Variants in RIT2 observed in about 807,000 individuals in gnomAD.
RIT2 encodes Ras like without CAAX 2.
RIT2 carries 24 observed loss-of-function variants against 23.7 expected under a neutral mutation model. That is an observed-to-expected ratio of 1.01 (90% CI 0.73 to 1.43). RIT2 has a LOEUF of 1.43. Ranked by LOEUF, RIT2 falls within the 40% of genes most tolerant of loss-of-function variation. The pLI is 0.00. For synonymous variants in RIT2, 107 were observed against 91.1 expected (o/e 1.17, Z -0.99); for missense variants, 236 against 266.9 (o/e 0.88, Z 0.81).
chr18:42,813,465 A>C (rs1365119271), intron 4 of RIT2, among the ~76,000 whole-genome samples: 3 of 152,220 alleles, frequency 2.0e-5, no homozygotes, highest in South Asian at 4.1e-4. Flanking sequence ...TTATTCTTTT[A>C]AGTTTAATAA....
chr18:43,030,770 A>G (rs1390454130), intron 2 of RIT2, among the ~76,000 whole-genome samples: 2 of 152,054 alleles, frequency 1.3e-5, no homozygotes, highest in East Asian at 1.9e-4. Flanking sequence ...GGTATCATGA[A>G]TTATTCATGG....
intron 4 of RIT2, among the ~76,000 whole-genome samples, chr18:42,774,911 T>C (rs1306195670): frequency 6.6e-6 from 1 of 152,196 alleles, no homozygotes; most frequent in East Asian, 1.9e-4. Flanking sequence ...CACAACAGTA[T>C]GATTGCAGAG....
At chr18:42,855,671 A>T (rs2144042169) in intron 4 of RIT2, among the ~76,000 whole-genome samples, 1 of 152,318 alleles carries the variant, frequency 6.6e-6, no homozygotes, top group African/African-American at 2.4e-5. Context: ...CTTACCTCTC[A>T]TTTCAAAAAG....
chr18:42,781,517 C>A (rs1431010696), intron 4 of RIT2, among the ~76,000 whole-genome samples: 1 of 152,118 alleles, frequency 6.6e-6, no homozygotes, highest in Non-Finnish European at 1.5e-5. Flanking sequence ...TCCCTGGGGG[C>A]CTCAACTGCT....
rs1008377546 is a variant in RIT2 at position 42,755,283 on chromosome 18, G to T, written c.427-11563C>A. On this transcript the variant is annotated intron_variant, in intron 4 of 4. Coordinates refer to ENST00000326695, the MANE Select transcript of RIT2 (RefSeq NM_002930.4). Reference sequence around the variant, plus strand: ...TATCTCTGTCTGTTTCCCCAAGCCCGATTCATACCACTCTCCCTCATCGAT... The same window carrying T: ...TATCTCTGTCTGTTTCCCCAAGCCCTATTCATACCACTCTCCCTCATCGAT... Among the ~76,000 whole-genome samples, 26 of 151,966 alleles carry T rather than the reference G, an allele frequency of 1.7e-4. 1 individual carries two copies. The highest frequency in any genetic ancestry group is 6.3e-4 in the African/African-American group (26 of 41,378).
intron 3 of RIT2, 69 bp from the exon 4 acceptor site, chr18:42,923,832 T>A: frequency 8.4e-7 from 1 of 1,192,720 alleles, no homozygotes; most frequent in Non-Finnish European, 1.2e-6. Context: ...GGTTTAAATG[T>A]AATCATTATG....
rs547404030 is a variant in RIT2 at position 42,772,808 on chromosome 18, C to T, written c.427-29088G>A. 9.9e-5 allele frequency among the ~76,000 whole-genome samples: 15 copies of T among 152,254 alleles called. 1 individual carries two copies. Among genetic ancestry groups the T allele is most frequent in the Middle Eastern group, 6.8e-3 (2 of 294 alleles). ...AAGTTGAAATTTTCAGCCTCACCCCCGAAACTCTGGGAAGGGAAGTCCTGG... is the reference window on the plus strand; with the variant it reads ...AAGTTGAAATTTTCAGCCTCACCCCTGAAACTCTGGGAAGGGAAGTCCTGG... On this transcript the variant is annotated intron_variant, in intron 4 of 4. Coordinates refer to ENST00000326695, the MANE Select transcript of RIT2 (RefSeq NM_002930.4).
chr18:42,755,646 T>C (rs1367783425), intron 4 of RIT2, among the ~76,000 whole-genome samples: 2 of 152,300 alleles, frequency 1.3e-5, no homozygotes. Context: ...TGAAAATGTG[T>C]CTGTTTTGTT....
At chr18:42,775,557 C>T (rs1229094952) in intron 4 of RIT2, among the ~76,000 whole-genome samples, 1 of 151,890 alleles carries the variant, frequency 6.6e-6, no homozygotes, top group Non-Finnish European at 1.5e-5. Context: ...ATTAGCCGGT[C>T]GTGGTGGCGG....
chr18:42,852,084 A>C (rs1568012768), intron 4 of RIT2, among the ~76,000 whole-genome samples: 1 of 152,132 alleles, frequency 6.6e-6, no homozygotes, highest in Non-Finnish European at 1.5e-5. Context: ...GTCACCATCT[A>C]CTATCACCCT....
chr18:43,005,111 G>T (rs536465985), intron 2 of RIT2, among the ~76,000 whole-genome samples: 14 of 151,862 alleles, frequency 9.2e-5, no homozygotes, highest in East Asian at 3.9e-4. Flanking sequence ...ATTATAGAGT[G>T]CCCAACCCCT....
chr18:43,006,450 A>G (rs1344652979), intron 2 of RIT2, among the ~76,000 whole-genome samples: 2 of 151,626 alleles, frequency 1.3e-5, no homozygotes, highest in Non-Finnish European at 1.5e-5. Context: ...TTTTTAAATG[A>G]GTTAAAATGC....
chr18:43,046,776 T>C (rs1912258165), intron 1 of RIT2, among the ~76,000 whole-genome samples: 1 of 152,196 alleles, frequency 6.6e-6, no homozygotes, highest in African/African-American at 2.4e-5. Flanking sequence ...CAAAACAACA[T>C]ACTTTAGTAT....
In RIT2 at chr18:42,800,182, G is replaced by A. The variant is rs964630621; in HGVS notation, c.427-56462C>T. Among the ~76,000 whole-genome samples the A allele has an allele frequency of 2.0e-5, 3 of 152,216 alleles. No homozygotes were observed. In the East Asian group the frequency reaches 5.8e-4, roughly 29 times the overall value. On this transcript the variant is annotated intron_variant, in intron 4 of 4. Transcript: ENST00000326695. Reference sequence around the variant, plus strand: ...GTGAGCCTGTTCATCCTGTGAATAGGACTACAAATTCGATCATTTCTTTCT... The same window carrying A: ...GTGAGCCTGTTCATCCTGTGAATAGAACTACAAATTCGATCATTTCTTTCT...
chr18:43,114,970 G>C (rs1376643322), intron 1 of RIT2, among the ~76,000 whole-genome samples: 8 of 152,102 alleles, frequency 5.3e-5, no homozygotes, highest in African/African-American at 1.9e-4. Context: ...CCTAATGAAA[G>C]AAACAAACAC....
chr18:42,871,936 A>G (rs935050635), intron 4 of RIT2, among the ~76,000 whole-genome samples: 3 of 152,170 alleles, frequency 2.0e-5, no homozygotes, highest in Non-Finnish European at 4.4e-5. Context: ...AACATCTTGT[A>G]TGTCAGGGAT....
At chr18:42,803,391 G>C (rs1217733626) in intron 4 of RIT2, among the ~76,000 whole-genome samples, 1 of 152,142 alleles carries the variant, frequency 6.6e-6, no homozygotes, top group Non-Finnish European at 1.5e-5. Flanking sequence ...TGAGGTATCT[G>C]ACCCGGTTTG....
chr18:43,056,145 A>T (rs1002333938), intron 1 of RIT2, among the ~76,000 whole-genome samples: 1 of 152,100 alleles, frequency 6.6e-6, no homozygotes, highest in African/African-American at 2.4e-5. Context: ...GACAAGCAAC[A>T]GTTGTCTCTT....
At chr18:43,021,403 G>C (rs1056329609) in intron 2 of RIT2, among the ~76,000 whole-genome samples, 1 of 152,048 alleles carries the variant, frequency 6.6e-6, no homozygotes, top group Admixed American at 6.6e-5. Context: ...CAAGGATGTA[G>C]AGAAAATAGA....
Sources: gnomAD v4.1 joint callset for allele counts (sites outside exome capture counted in the v4.1 genomes callset) on GRCh38, gnomAD v4.1.1 for gene constraint, MANE v1.5 for transcripts, NCBI Gene and HGNC (gene_info 2026-07-23, HGNC 2026-07-21) for gene names.